The following SETBP1 variants were observed in gnomAD, a reference collection of about 807,000 sequenced individuals.
The protein encoded by SETBP1 is SET-binding protein.
Under a neutral mutation model 101.0 loss-of-function variants are expected in SETBP1, and 9 were observed. That is an observed-to-expected ratio of 0.09 (90% CI 0.05 to 0.16). SETBP1 has a LOEUF of 0.16. Among genes scored for constraint, SETBP1 ranks in the 10% least tolerant of loss-of-function variants. The pLI, the probability that SETBP1 is intolerant of heterozygous loss-of-function variation, is 1.00. For synonymous variants in SETBP1, 818 were observed against 788.5 expected, an observed-to-expected ratio of 1.04 and a Z score of -0.63; for missense variants, 1,858 against 2,033.8, an observed-to-expected ratio of 0.91 and a Z score of 1.66.
At chr18:45,038,258 C>T (rs1021830159) in intron 4 of SETBP1, among the ~76,000 whole-genome samples, 18 of 152,242 alleles carry the variant, frequency 1.2e-4, no homozygotes, top group Admixed American at 1.1e-3. Context: ...GACCCCACCA[C>T]TTCCAGGCAG....
At chr18:44,905,579 TA>T (rs56270740) in intron 3 of SETBP1, among the ~76,000 whole-genome samples, 59,348 of 151,944 alleles carry the variant, frequency 0.39, 11,636 homozygotes, top group Middle Eastern at 0.44. Flanking sequence ...GTTCTGATAC[TA>T]AAGGCACTGA....
intron 3 of SETBP1, among the ~76,000 whole-genome samples, chr18:44,948,330 T>C (rs2071256491): frequency 6.6e-6 from 1 of 152,166 alleles, no homozygotes; most frequent in Admixed American, 6.5e-5. Flanking sequence ...TTCCAGAAAC[T>C]AGTGTGAAGG....
intron 4 of SETBP1, among the ~76,000 whole-genome samples, chr18:44,967,226 A>G (rs930568856): frequency 5.3e-5 from 8 of 152,300 alleles, no homozygotes; most frequent in African/African-American, 1.9e-4. Flanking sequence ...TACACATTTC[A>G]CCCAAAGATA....
chr18:44,701,891 C>A lies in SETBP1; in HGVS notation c.486+59C>A, dbSNP rs2069122669. On this transcript the variant is annotated intron_variant, in intron 2 of 5. Transcript: ENST00000649279. The stretch of plus-strand genomic sequence containing the variant: ...GTTTCTCTGTTTTTGCCATTTTATC[C>A]TCAACTTCTTAGGGTCTATTTATAT... The A allele has an allele frequency of 3.8e-6, 6 of 1,575,942 alleles. No homozygotes were observed. The Admixed American group carries it at 1.1e-4, about 28-fold the overall frequency.
chr18:44,978,223 A>T (rs1161287284), intron 4 of SETBP1, among the ~76,000 whole-genome samples: 1 of 152,168 alleles, frequency 6.6e-6, no homozygotes, highest in Non-Finnish European at 1.5e-5. Flanking sequence ...AAGAGCGTCA[A>T]TACAGAGTTC....
At chr18:44,796,204 G>A (rs1347235284) in intron 2 of SETBP1, among the ~76,000 whole-genome samples, 3 of 152,178 alleles carry the variant, frequency 2.0e-5, no homozygotes, top group Admixed American at 2.0e-4. Flanking sequence ...TATTTATCGG[G>A]TATTTGCAAA....
rs535002208 is a variant in SETBP1 at position 44,701,378 on chromosome 18, G to T, written c.32G>T (p.Arg11Leu). MESRETLSSS[R>L]QRGGESDFLP... ...TCCAGGGAAACCTTAAGCAGCTCCCGGCAAAGAGGGGGCGAGTCAGACTTC... is the reference window on the plus strand; with the variant it reads ...TCCAGGGAAACCTTAAGCAGCTCCCTGCAAAGAGGGGGCGAGTCAGACTTC... Residue 11 changes from arginine (R) to leucine (L), a missense_variant, in exon 2 of 6, where the codon CGG (arginine) becomes CTG (leucine). Transcript: ENST00000649279. 6.5e-7 allele frequency: 1 copy of T among 1,535,074 alleles called. No individual in the cohort carries two copies. The highest frequency in any genetic ancestry group is 1.2e-5 in the South Asian group (1 of 81,286).
Position 44,757,592 on chromosome 18 carries a change from C to A in SETBP1, c.486+55760C>A, listed in dbSNP as rs146783865. ...ACATTATGTTAGTAGCAATAGTGAA[C>A]ATTTACTCAACACTTACTATGTGCC... is the stretch of plus-strand genomic sequence containing the variant. On this transcript the variant is annotated intron_variant, in intron 2 of 5. Coordinates refer to ENST00000649279, the MANE Select transcript of SETBP1 (RefSeq NM_015559.3). Among the ~76,000 whole-genome samples, 644 of 152,248 alleles carry A rather than the reference C, an allele frequency of 4.2e-3. 2 individuals are homozygous for A. The highest frequency in any genetic ancestry group is 7.0e-3 in the Non-Finnish European group (473 of 68,016).
chr18:45,051,519 G>C (rs2073721113), intron 5 of SETBP1, among the ~76,000 whole-genome samples: 1 of 151,988 alleles, frequency 6.6e-6, no homozygotes, highest in African/African-American at 2.4e-5. Context: ...GGAATATATG[G>C]GAAACCTCTG....
At position 45,063,551 on chromosome 18, in the gene SETBP1, C is replaced by G. The variant is rs765106507; in HGVS notation, c.4644C>G (p.Pro1548=). The stretch of plus-strand genomic sequence containing the variant: ...CGCCACCCCCTCTACCCAAGACCCC[C>G]CGAGGCGGAAAGAGGAAACACAAAC... ...LPPPPPLPKT[P]RGGKRKHKPQ... Residue 1548 remains proline (P), a synonymous_variant, in exon 6 of 6, where the codon CCC becomes CCG. Transcript: ENST00000649279. The G allele has an allele frequency of 6.7e-7, 1 of 1,499,128 alleles. No individual in the cohort carries two copies. The highest frequency in any genetic ancestry group is 9.0e-7 in the Non-Finnish European group (1 of 1,113,380). The allele number at this position is 1,499,128 out of a possible 1,614,324, so 92.9% of individuals were successfully genotyped here. A position where few individuals can be genotyped will look rare whatever the true frequency, so the allele number is the denominator to read the frequency against.
chr18:44,963,239 C>A (rs1339735424), intron 4 of SETBP1, among the ~76,000 whole-genome samples: 2 of 152,160 alleles, frequency 1.3e-5, no homozygotes, highest in African/African-American at 2.4e-5. Context: ...AGAACTCTTG[C>A]CAGTGGGTTA....
chr18:45,021,057 T>A (rs1443573801), intron 4 of SETBP1, among the ~76,000 whole-genome samples: 1 of 152,232 alleles, frequency 6.6e-6, no homozygotes. Flanking sequence ...TGCAATGACA[T>A]TGTTACTAAG....
chr18:44,776,923 T>G (rs968467449), intron 2 of SETBP1, among the ~76,000 whole-genome samples: 3 of 152,162 alleles, frequency 2.0e-5, no homozygotes, highest in African/African-American at 7.2e-5. Flanking sequence ...ACTGGGAGAA[T>G]AGGGAGAAGA....
chr18:44,728,267 T>G (rs2069759087), intron 2 of SETBP1, among the ~76,000 whole-genome samples: 1 of 152,210 alleles, frequency 6.6e-6, no homozygotes, highest in Admixed American at 6.5e-5. Flanking sequence ...TCTGGAGATT[T>G]AGCAGTTATT....
At chr18:44,719,718 G>T (rs980317025) in intron 2 of SETBP1, among the ~76,000 whole-genome samples, 1 of 152,208 alleles carries the variant, frequency 6.6e-6, no homozygotes, top group Non-Finnish European at 1.5e-5. Context: ...GCTGACCTTT[G>T]CTCCCAATTT....
Position 45,004,297 on chromosome 18 carries a change from T to C in SETBP1, c.4001-34188T>C, listed in dbSNP as rs1378413902. ...ATAAAAACGGAATACTCCAGGTAGA[T>C]GTTGTCCTTGGCATCCCAAATTCAT... On this transcript the variant is annotated intron_variant, in intron 4 of 5. Coordinates refer to ENST00000649279, the MANE Select transcript of SETBP1 (RefSeq NM_015559.3). 2.0e-5 allele frequency among the ~76,000 whole-genome samples: 3 copies of C among 152,340 alleles called. No individual in the cohort carries two copies. The East Asian group carries it at 5.8e-4, about 29-fold the overall frequency.
chr18:44,725,720 C>A lies in SETBP1; in HGVS notation c.486+23888C>A, dbSNP rs1250423719. Among the ~76,000 whole-genome samples, 9 of 152,198 alleles carry A rather than the reference C, an allele frequency of 5.9e-5. No individual in the cohort carries two copies. The East Asian group carries it at 1.5e-3, about 26-fold the overall frequency. ...TGTGGCAGAGCTGGGACCTCCTCCC[C>A]CTCGGCCCCCTGACTTCCCAGCGGC... On this transcript the variant is annotated intron_variant, in intron 2 of 5. Transcript: ENST00000649279.
chr18:44,942,376 T>G (rs2071106855), intron 3 of SETBP1, among the ~76,000 whole-genome samples: 1 of 152,190 alleles, frequency 6.6e-6, no homozygotes, highest in African/African-American at 2.4e-5. Context: ...AAGACTAAAA[T>G]TTTTCCAGAT....
intron 2 of SETBP1, among the ~76,000 whole-genome samples, chr18:44,847,467 G>A (rs1261207879): frequency 1.3e-5 from 2 of 152,260 alleles, no homozygotes; most frequent in South Asian, 4.1e-4. Flanking sequence ...ATGGGGGTCA[G>A]TGGCTGAGCA....
Sources: gnomAD v4.1 joint callset for allele counts (sites outside exome capture counted in the v4.1 genomes callset) on GRCh38, gnomAD v4.1.1 for gene constraint, MANE v1.5 for transcripts, NCBI Gene and HGNC (gene_info 2026-07-23, HGNC 2026-07-21) for gene names.